USP34: variants seen among roughly 807,000 people sequenced by gnomAD.
The protein encoded by USP34 is ubiquitin carboxyl-terminal hydrolase 34.
A neutral mutation model predicts 460.3 loss-of-function variants in USP34; 70 were observed. That is an observed-to-expected ratio of 0.15 (90% CI 0.13 to 0.19). The LOEUF (loss-of-function observed/expected upper bound fraction) is 0.19. USP34 is among the 10% of genes least tolerant of loss of function. The pLI is 1.00. For missense variants in USP34, 3,985 were observed against 4,236.2 expected (o/e 0.94, Z 1.65); for synonymous variants, 1,647 against 1,405.3 (o/e 1.17, Z -3.85).
intron 32 of USP34, among the ~76,000 whole-genome samples, chr2:61,294,080 T>A (rs930525908): frequency 2.0e-5 from 3 of 151,948 alleles, no homozygotes; most frequent in Non-Finnish European, 2.9e-5. Flanking sequence ...GCGCGGTGGC[T>A]CACGCCTGTA....
intron 2 of USP34, among the ~76,000 whole-genome samples, chr2:61,408,843 A>C (rs1693956887): frequency 1.3e-5 from 2 of 152,032 alleles, no homozygotes; most frequent in South Asian, 4.1e-4. Context: ...CAGTGAGCCG[A>C]GATCACGCCC....
chr2:61,378,363 G>T lies in USP34; in HGVS notation c.1076C>A (p.Thr359Lys). 6.3e-7 allele frequency: 1 copy of T among 1,582,086 alleles called. No homozygotes were observed. Among genetic ancestry groups the T allele is most frequent in the Non-Finnish European group, 8.6e-7 (1 of 1,164,752 alleles). ...TATATAAATTAATGCTCCTACTTAC[G>T]TTTCTGTGTCCGATACTAATGATTC... ...NNESLVSDTETSIAKELADWL... is the reference protein window; with the variant it reads ...NNESLVSDTEKSIAKELADWL... Residue 359 changes from threonine to lysine, a missense_variant and splice_region_variant, in exon 8 of 80, where the codon ACG becomes AAG. Physicochemically the swap from Thr to Lys is moderately conservative, Grantham distance 78. Coordinates refer to ENST00000398571, the MANE Select transcript of USP34 (RefSeq NM_014709.4).
intron 16 of USP34, among the ~76,000 whole-genome samples, chr2:61,342,062 G>A (rs1046728350): frequency 1.3e-5 from 2 of 151,738 alleles, no homozygotes; most frequent in South Asian, 2.1e-4. Context: ...CGCACCAGGC[G>A]ATTTCTTTAT....
intron 16 of USP34, among the ~76,000 whole-genome samples, chr2:61,340,858 CTTTTTT>C (rs5831606): frequency 8.0e-6 from 1 of 124,798 alleles, no homozygotes; most frequent in African/African-American, 3.0e-5. Flanking sequence ...TGTGGCTTGT[CTTTTTT>C]TTTTTTTTTT....
intron 75 of USP34, chr2:61,193,912 G>A (rs1486154797): frequency 1.1e-5 from 2 of 174,256 alleles, no homozygotes; most frequent in African/African-American, 4.8e-5. Context: ...TTAGACAAGA[G>A]TAAGGAAATG....
chr2:61,360,051 G>T (rs922974042), intron 10 of USP34, among the ~76,000 whole-genome samples: 3 of 151,884 alleles, frequency 2.0e-5, no homozygotes, highest in African/African-American at 7.3e-5. Context: ...CCAAAATGCT[G>T]GGATGCCTGG....
intron 5 of USP34, among the ~76,000 whole-genome samples, chr2:61,390,762 C>G (rs1693319586): frequency 6.6e-6 from 1 of 151,820 alleles, no homozygotes; most frequent in Non-Finnish European, 1.5e-5. Context: ...GTGAGTTTTC[C>G]TGAGATGAAA....
chr2:61,314,032 T>A (rs779517631), intron 25 of USP34, among the ~76,000 whole-genome samples: 2 of 152,102 alleles, frequency 1.3e-5, no homozygotes, highest in Non-Finnish European at 2.9e-5. Context: ...TCATAAATAT[T>A]AATTTGCTTT....
intron 67 of USP34, among the ~76,000 whole-genome samples, chr2:61,219,115 A>C (rs1687485383): frequency 6.6e-6 from 1 of 152,120 alleles, no homozygotes; most frequent in Admixed American, 6.5e-5. Context: ...TGGACTCATG[A>C]ATATTTATTT....
intron 69 of USP34, among the ~76,000 whole-genome samples, chr2:61,209,727 T>C (rs1325188653): frequency 6.6e-6 from 1 of 152,218 alleles, no homozygotes; most frequent in Non-Finnish European, 1.5e-5. Flanking sequence ...AAAAGTTAAA[T>C]GTAAAACAGC....
intron 10 of USP34, among the ~76,000 whole-genome samples, chr2:61,363,515 A>G (rs1692333598): frequency 6.6e-6 from 1 of 152,228 alleles, no homozygotes; most frequent in Non-Finnish European, 1.5e-5. Flanking sequence ...ACTGTACTGA[A>G]TACTGTAGGC....
In USP34 at chr2:61,284,908, G is replaced by C; in HGVS notation, c.4799C>G (p.Ser1600Cys). ...QGTSLIQRLMSVAYTYDNLAP... is the reference protein window; with the variant it reads ...QGTSLIQRLMCVAYTYDNLAP... ...CAGATTATCATACGTATAAGCAACAGACATAAGTCGCTGAATCAAACTGGT... is the reference window on the plus strand; with the variant it reads ...CAGATTATCATACGTATAAGCAACACACATAAGTCGCTGAATCAAACTGGT... The change falls in exon 35 of 80, where the codon TCT becomes TGT. Residue 1600 changes from serine to cysteine, a missense_variant. Coordinates refer to ENST00000398571, the MANE Select transcript of USP34 (RefSeq NM_014709.4). 1.2e-6 allele frequency: 2 copies of C among 1,611,326 alleles called. No homozygotes were observed. The highest frequency in any genetic ancestry group is 1.7e-6 in the Non-Finnish European group (2 of 1,179,028).
At chr2:61,247,926 C>G (rs1688462481) in intron 49 of USP34, among the ~76,000 whole-genome samples, 1 of 152,154 alleles carries the variant, frequency 6.6e-6, no homozygotes, top group Non-Finnish European at 1.5e-5. Context: ...GTGGCTCACA[C>G]CTGTAATCCA....
chr2:61,318,256 A>C (rs1188548713), intron 22 of USP34, among the ~76,000 whole-genome samples: 2 of 152,112 alleles, frequency 1.3e-5, no homozygotes, highest in African/African-American at 4.8e-5. Context: ...GTAATAACTG[A>C]AATGTGTCTG....
chr2:61,216,181 G>T (rs1377300482), intron 67 of USP34, among the ~76,000 whole-genome samples: 1 of 152,166 alleles, frequency 6.6e-6, no homozygotes, highest in African/African-American at 2.4e-5. Context: ...ATACTAGTCT[G>T]CTTAGTCAGA....
At chr2:61,387,436 T>A (rs1457608874) in intron 5 of USP34, among the ~76,000 whole-genome samples, 1 of 151,126 alleles carries the variant, frequency 6.6e-6, no homozygotes, top group African/African-American at 2.4e-5. Flanking sequence ...CTGCACTACA[T>A]CCTGGGCAAC....
At chr2:61,453,279 T>G (rs1293590579) in intron 1 of USP34, among the ~76,000 whole-genome samples, 1 of 151,914 alleles carries the variant, frequency 6.6e-6, no homozygotes, top group East Asian at 1.9e-4. Context: ...CCAAGTGTGG[T>G]GGCCTGCGCC....
intron 41 of USP34, among the ~76,000 whole-genome samples, chr2:61,268,547 C>G (rs1039503895): frequency 2.0e-5 from 3 of 151,306 alleles, no homozygotes; most frequent in Non-Finnish European, 2.9e-5. Flanking sequence ...GTAAAAGGCT[C>G]CTGAGTCCTC....
At chr2:61,392,539 GC>G (rs987493032) in intron 5 of USP34, among the ~76,000 whole-genome samples, 9 of 151,962 alleles carry the variant, frequency 5.9e-5, no homozygotes, top group African/African-American at 1.9e-4. Context: ...CAGGACAACT[GC>G]TTGAACCCAG....
Sources: allele counts gnomAD v4.1 joint callset (sites outside exome capture counted in the v4.1 genomes callset), GRCh38; gene constraint gnomAD v4.1.1; transcripts MANE v1.5; gene names NCBI Gene and HGNC (gene_info 2026-07-23, HGNC 2026-07-21).